CSMD2: variants seen among roughly 807,000 people sequenced by gnomAD.
CSMD2 encodes the protein CUB and Sushi multiple domains 2.
Under a neutral mutation model 398.5 loss-of-function variants are expected in CSMD2, and 130 were observed. That is an observed-to-expected ratio of 0.33 (90% confidence interval 0.28 to 0.38). CSMD2 has a LOEUF of 0.38. Ranked by LOEUF, CSMD2 falls within the 10% of genes least tolerant of loss-of-function variation. The pLI, the probability that CSMD2 is intolerant of heterozygous loss-of-function variation, is 1.00. For missense variants in CSMD2, 3,829 were observed against 4,764.9 expected, an observed-to-expected ratio of 0.80 and a Z score of 5.78; for synonymous variants, 1,828 against 1,908.5, an observed-to-expected ratio of 0.96 and a Z score of 1.10.
At chr1:33,598,677 T>G (rs1054751763) in intron 44 of CSMD2, 1 of 147,766 alleles carries the variant, frequency 6.8e-6, no homozygotes, top group Admixed American at 6.8e-5. Flanking sequence ...TTTTTTTTTT[T>G]TTTTTTTTTT....
At chr1:34,138,756 C>T (rs1005213607) in intron 1 of CSMD2, among the ~76,000 whole-genome samples, 1 of 152,190 alleles carries the variant, frequency 6.6e-6, no homozygotes, top group Non-Finnish European at 1.5e-5. Flanking sequence ...TACACCCCTA[C>T]AGGCAGTTTA....
chr1:34,018,601 C>G (rs780072351), intron 3 of CSMD2, among the ~76,000 whole-genome samples: 1 of 152,208 alleles, frequency 6.6e-6, no homozygotes, highest in Non-Finnish European at 1.5e-5. Context: ...GGATAAAGTG[C>G]CATTTCATTG....
intron 4 of CSMD2, among the ~76,000 whole-genome samples, chr1:33,920,290 A>G (rs1277766346): frequency 6.6e-6 from 1 of 151,324 alleles, no homozygotes; most frequent in Non-Finnish European, 1.5e-5. Flanking sequence ...GCAATTTGGG[A>G]GGCCGAGGTG....
At chr1:33,986,851 G>A (rs1229970118) in intron 3 of CSMD2, among the ~76,000 whole-genome samples, 1 of 152,180 alleles carries the variant, frequency 6.6e-6, no homozygotes, top group African/African-American at 2.4e-5. Flanking sequence ...CTGGGACCAA[G>A]GCACGGACAT....
chr1:33,802,339 T>A (rs1655700817), intron 10 of CSMD2, among the ~76,000 whole-genome samples: 1 of 152,174 alleles, frequency 6.6e-6, no homozygotes, highest in Non-Finnish European at 1.5e-5. Flanking sequence ...AGTACAGACA[T>A]ATCCTTAACT....
At chr1:33,536,525 C>T (rs1176054111) in intron 62 of CSMD2, among the ~76,000 whole-genome samples, 1 of 152,218 alleles carries the variant, frequency 6.6e-6, no homozygotes, top group African/African-American at 2.4e-5. Context: ...ACCCGGCCAT[C>T]CTTTTCTCTG....
intron 25 of CSMD2, among the ~76,000 whole-genome samples, chr1:33,690,933 T>C (rs668310): frequency 0.93 from 140,879 of 152,298 alleles, 65,288 homozygotes; most frequent in African/African-American, 0.98. Flanking sequence ...ATGCAACAGG[T>C]AATGGAAGTT....
chr1:33,571,088 G>A (rs184510375), intron 51 of CSMD2, among the ~76,000 whole-genome samples: 69 of 152,238 alleles, frequency 4.5e-4, no homozygotes, highest in Admixed American at 1.3e-4. Flanking sequence ...GTGACCTGTC[G>A]CCTGTGCTAC....
At chr1:33,915,577 C>T (rs918391485) in intron 5 of CSMD2, among the ~76,000 whole-genome samples, 2 of 152,208 alleles carry the variant, frequency 1.3e-5, no homozygotes, top group Non-Finnish European at 2.9e-5. Context: ...AGATTTGTTT[C>T]ACTCCAAAAG....
chr1:34,125,536 T>TGTGTGC (rs1553324607), intron 1 of CSMD2, among the ~76,000 whole-genome samples: 2 of 151,332 alleles, frequency 1.3e-5, no homozygotes, highest in Non-Finnish European at 2.9e-5. Flanking sequence ...TGTGTGTGTG[T>TGTGTGC]GTGTGTGTGT....
At chr1:33,856,727 C>G (rs1639123404) in intron 5 of CSMD2, among the ~76,000 whole-genome samples, 2 of 151,998 alleles carry the variant, frequency 1.3e-5, no homozygotes, top group South Asian at 4.2e-4. Flanking sequence ...TGCCCAACAG[C>G]TGGAGGATGG....
intron 1 of CSMD2, among the ~76,000 whole-genome samples, chr1:34,161,959 T>C (rs1032458803): frequency 6.6e-6 from 1 of 150,802 alleles, no homozygotes; most frequent in Non-Finnish European, 1.5e-5. Context: ...GATCATGAGG[T>C]CAGGAGTTCG....
chr1:34,087,468 T>C (rs1157366212), intron 2 of CSMD2, among the ~76,000 whole-genome samples: 20 of 150,738 alleles, frequency 1.3e-4, no homozygotes. Context: ...CCGGGGCCTG[T>C]CAGGGGGTTG....
At chr1:34,158,528 T>C (rs1641016016) in intron 1 of CSMD2, among the ~76,000 whole-genome samples, 1 of 152,188 alleles carries the variant, frequency 6.6e-6, no homozygotes, top group Non-Finnish European at 1.5e-5. Flanking sequence ...GACCAGGTTC[T>C]AAGGTGTGTG....
chr1:33,737,491 A>T (rs764546389), intron 15 of CSMD2, among the ~76,000 whole-genome samples: 11 of 152,202 alleles, frequency 7.2e-5, no homozygotes, highest in Non-Finnish European at 1.6e-4. Flanking sequence ...TGCTCCAAGA[A>T]CTGTGCATGC....
At chr1:33,669,340 C>T (rs534485450) in intron 25 of CSMD2, among the ~76,000 whole-genome samples, 6 of 152,304 alleles carry the variant, frequency 3.9e-5, no homozygotes, top group South Asian at 4.2e-4. Flanking sequence ...TAAGAGGAAT[C>T]GAAAGAGTAA....
chr1:33,867,305 A>C (rs1302576531), intron 5 of CSMD2, among the ~76,000 whole-genome samples: 2 of 152,212 alleles, frequency 1.3e-5, no homozygotes, highest in African/African-American at 4.8e-5. Context: ...AGAAGTTCTC[A>C]GTCCACCAAC....
chr1:33,984,860 AAGGCAGGC>A (rs149716735), intron 3 of CSMD2, among the ~76,000 whole-genome samples: 32 of 149,830 alleles, frequency 2.1e-4, no homozygotes, highest in South Asian at 8.6e-4. Flanking sequence ...GGAAGGAAGG[AAGGCAGGC>A]AGGCAGGCAG....
chr1:33,900,780 CAAA>C (rs397861504), intron 5 of CSMD2, among the ~76,000 whole-genome samples: 4 of 119,078 alleles, frequency 3.4e-5, no homozygotes, highest in Admixed American at 8.2e-5. Flanking sequence ...AACTCCATCT[CAAA>C]AAAAAAAAAA....
Sources: gnomAD v4.1 joint callset for allele counts (sites outside exome capture counted in the v4.1 genomes callset) on GRCh38, gnomAD v4.1.1 for gene constraint, MANE v1.5 for transcripts, NCBI Gene and HGNC (gene_info 2026-07-23, HGNC 2026-07-21) for gene names.